OSBPL9: variants seen among roughly 807,000 people sequenced by gnomAD.
OSBPL9 encodes oxysterol binding protein like 9.
In OSBPL9, 40 loss-of-function variants were observed where a neutral mutation model predicts 106.6. The observed-to-expected ratio is 0.38, with a 90% confidence interval of 0.29 to 0.49. The LOEUF is 0.49. OSBPL9 is among the 20% of genes least tolerant of loss of function. The pLI, the probability that OSBPL9 is intolerant of heterozygous loss-of-function variation, is 0.97. For synonymous variants in OSBPL9, 269 were observed against 295.4 expected (o/e 0.91, Z 0.92); for missense variants, 609 against 887.2 (o/e 0.69, Z 3.98).
intron 7 of OSBPL9, among the ~76,000 whole-genome samples, 193 bp downstream of exon 7, chr1:51,748,591 C>T (rs780585353): frequency 2.0e-5 from 3 of 151,940 alleles, no homozygotes; most frequent in African/African-American, 7.3e-5. Flanking sequence ...GCCCCTTAAT[C>T]GAAATTGACT....
At chr1:51,588,629 T>C (rs745610266) in intron 1 of OSBPL9, among the ~76,000 whole-genome samples, 1 of 152,098 alleles carries the variant, frequency 6.6e-6, no homozygotes, top group Non-Finnish European at 1.5e-5. Context: ...CCAGCCTGGG[T>C]GACAGAGTGA....
At chr1:51,678,950 T>C (rs922756493) in intron 3 of OSBPL9, among the ~76,000 whole-genome samples, 1 of 152,244 alleles carries the variant, frequency 6.6e-6, no homozygotes, top group Non-Finnish European at 1.5e-5. Context: ...CTTTAAAAAA[T>C]TTCCCTCTGT....
chr1:51,715,769 CATT>C (rs1425554238), intron 4 of OSBPL9, among the ~76,000 whole-genome samples: 1 of 152,216 alleles, frequency 6.6e-6, no homozygotes, highest in Non-Finnish European at 1.5e-5. Context: ...CCTTCAAATA[CATT>C]TTTTCATTTG....
chr1:51,602,895 C>T (rs1645331307), intron 2 of OSBPL9, among the ~76,000 whole-genome samples: 1 of 152,216 alleles, frequency 6.6e-6, no homozygotes, highest in Non-Finnish European at 1.5e-5. Flanking sequence ...GTGGCTCACA[C>T]GTGCAATCCC....
chr1:51,785,600 A>G lies in OSBPL9; in HGVS notation c.1830-208A>G, dbSNP rs1444086814. ...TAGGACGTTCTTGCCCAAACCCACC[A>G]TTCTTGGGATCTCAAGTTCATAAGC... On this transcript the variant is annotated intron_variant, in intron 20 of 23. Transcript: ENST00000428468. 4 of 549,698 alleles carry G rather than the reference A, an allele frequency of 7.3e-6. No homozygotes were observed. The East Asian group carries it at 1.3e-4, about 18-fold the overall frequency. 34.1% of individuals were successfully genotyped at this position (549,698 alleles called of 1,614,324 possible).
chr1:51,519,329 G>T, the OSBPL9 span: 1 of 400,202 alleles, frequency 2.5e-6, no homozygotes, highest in Non-Finnish European at 4.3e-6. Flanking sequence ...AGGCCGGGGC[G>T]GGCGGGCGGG....
At chr1:51,691,272 A>ATTTTTTTTTTTTTTTTTTTTTT (rs1358388118) in intron 3 of OSBPL9, among the ~76,000 whole-genome samples, 1 of 145,544 alleles carries the variant, frequency 6.9e-6, no homozygotes. Context: ...GCTTGCTGTA[A>ATTTTTTTTTTTTTTTTTTTTTT]CTTTTTTTTT....
At chr1:51,779,089 A>G (rs1675716107) in intron 15 of OSBPL9, among the ~76,000 whole-genome samples, 1 of 152,226 alleles carries the variant, frequency 6.6e-6, no homozygotes, top group South Asian at 2.1e-4. Flanking sequence ...TTGTTTGGAA[A>G]GGGAGATATG....
At chr1:51,704,682 A>G (rs1312437642) in intron 3 of OSBPL9, among the ~76,000 whole-genome samples, 16 of 152,148 alleles carry the variant, frequency 1.1e-4, no homozygotes, top group Admixed American at 1.0e-3. Flanking sequence ...TTATATCCTC[A>G]TGTGTTGGAA....
At chr1:51,554,461 C>T in the OSBPL9 span, among the ~76,000 whole-genome samples, 21 of 152,258 alleles carry the variant, frequency 1.4e-4, no homozygotes, top group Non-Finnish European at 2.6e-4. Flanking sequence ...TCAAAGGCTG[C>T]GGATGACTTT....
At chr1:51,645,761 CTTTAAAT>C (rs563513415) in intron 1 of OSBPL9, among the ~76,000 whole-genome samples, 1 of 151,328 alleles carries the variant, frequency 6.6e-6, no homozygotes, top group South Asian at 2.1e-4. Flanking sequence ...TAGTTTTACC[CTTTAAAT>C]TTAGGTCTTG....
At chr1:51,682,488 G>A (rs1000191924) in intron 3 of OSBPL9, among the ~76,000 whole-genome samples, 35 of 151,998 alleles carry the variant, frequency 2.3e-4, no homozygotes, top group African/African-American at 8.0e-4. Flanking sequence ...GGCCGGGTGC[G>A]GTGTCTCACA....
chr1:51,588,118 C>T (rs1645256593), intron 1 of OSBPL9, among the ~76,000 whole-genome samples: 2 of 152,226 alleles, frequency 1.3e-5, no homozygotes, highest in Non-Finnish European at 2.9e-5. Context: ...CATGGTGGCT[C>T]ATGCCTGTAA....
chr1:51,775,042 C>T (rs993921698), intron 14 of OSBPL9, among the ~76,000 whole-genome samples: 1 of 152,054 alleles, frequency 6.6e-6, no homozygotes, highest in East Asian at 1.9e-4. Context: ...CATTTTTACT[C>T]GGTGGTTTAT....
intron 8 of OSBPL9, among the ~76,000 whole-genome samples, chr1:51,751,848 G>T (rs1297769934): frequency 6.6e-6 from 1 of 152,152 alleles, no homozygotes; most frequent in African/African-American, 2.4e-5. Context: ...AGTGTAATTT[G>T]TACTTGCTAC....
intron 1 of OSBPL9, among the ~76,000 whole-genome samples, chr1:51,623,980 C>T (rs1301866352): frequency 6.6e-6 from 1 of 151,422 alleles, no homozygotes; most frequent in Admixed American, 6.6e-5. Context: ...TGCAGTGGCA[C>T]GATCTCCACT....
At chr1:51,684,824 G>A (rs150747228) in intron 3 of OSBPL9, among the ~76,000 whole-genome samples, 2 of 152,196 alleles carry the variant, frequency 1.3e-5, no homozygotes, top group South Asian at 2.1e-4. Flanking sequence ...GTGAGCCACC[G>A]CGCCTGGCCA....
At chr1:51,717,281 C>T (rs1437664678) in intron 4 of OSBPL9, among the ~76,000 whole-genome samples, 1 of 152,126 alleles carries the variant, frequency 6.6e-6, no homozygotes, top group Non-Finnish European at 1.5e-5. Context: ...TTTCCTTTTT[C>T]ATTGAACTTT....
chr1:51,525,560 T>G, the OSBPL9 span, among the ~76,000 whole-genome samples: 1 of 152,154 alleles, frequency 6.6e-6, no homozygotes, highest in African/African-American at 2.4e-5. Context: ...ATTCTGTGCT[T>G]TCTCTCATAG....
Sources: gnomAD v4.1 joint callset for allele counts (sites outside exome capture counted in the v4.1 genomes callset) on GRCh38, gnomAD v4.1.1 for gene constraint, MANE v1.5 for transcripts, NCBI Gene and HGNC (gene_info 2026-07-23, HGNC 2026-07-21) for gene names.